Variants in ULK1 observed in about 807,000 individuals in gnomAD.
The protein encoded by ULK1 is unc-51 like autophagy activating kinase 1, also known as serine/threonine-protein kinase ULK1.
In ULK1, 48 loss-of-function variants were observed where a neutral mutation model predicts 117.5. The observed-to-expected ratio is 0.41, with a 90% CI of 0.32 to 0.52. The LOEUF (loss-of-function observed/expected upper bound fraction) is 0.52. ULK1 is among the 20% of genes least tolerant of loss of function. The probability of loss-of-function intolerance (pLI) is 0.29; values close to 1 mark genes in which losing one functional copy is unlikely to be tolerated. For synonymous variants in ULK1, 790 were observed against 637.8 expected (o/e 1.24, Z -3.60); for missense variants, 1,387 against 1,473.4 (o/e 0.94, Z 0.96).
At chr12:131,900,832 A>C (rs1443997525) in intron 3 of ULK1, among the ~76,000 whole-genome samples, 1 of 152,126 alleles carries the variant, frequency 6.6e-6, no homozygotes, top group Non-Finnish European at 1.5e-5. Flanking sequence ...CCAGCCCAGC[A>C]TGAGACTGTA....
At chr12:131,907,708 C>T (rs546825825) in intron 5 of ULK1, among the ~76,000 whole-genome samples, 177 bp downstream of exon 5, 19 of 152,232 alleles carry the variant, frequency 1.2e-4, no homozygotes, top group African/African-American at 4.1e-4. Flanking sequence ...CTGAGCTGCT[C>T]CCGGCTGTTA....
At chr12:131,918,895 G>GGTATGGGGTGTAGGGT (rs1890008257) in intron 23 of ULK1, among the ~76,000 whole-genome samples, 1 of 60,602 alleles carries the variant, frequency 1.7e-5, no homozygotes, top group Non-Finnish European at 4.9e-5. Flanking sequence ...TGGGGTGTAG[G>GGTATGGGGTGTAGGGT]GTGTGGGGTG....
chr12:131,907,669 C>T (rs866388696), intron 5 of ULK1, 138 bp downstream of exon 5: 1 of 1,120,848 alleles, frequency 8.9e-7, no homozygotes, highest in Admixed American at 2.7e-5. Context: ...TTTCTTGTCC[C>T]CCTGGGCCTC....
chr12:131,919,622 G>A (rs761958566), intron 25 of ULK1, 32 bp downstream of exon 25: 26 of 1,600,072 alleles, frequency 1.6e-5, no homozygotes, highest in African/African-American at 9.4e-5. Context: ...CCCACATGCC[G>A]GGTTGGGGAG....
rs1467352275 is a variant in ULK1, at chr12:131,919,274, G to A, written c.2574G>A (p.Leu858=). The A allele has an allele frequency of 1.9e-6, 3 of 1,599,062 alleles. No homozygotes were observed. Among genetic ancestry groups the A allele is most frequent in the Non-Finnish European group, 2.5e-6 (3 of 1,177,054 alleles). ...CGCTGCTGTTCGTGCAGCACGTCCT[G>A]GAGATCGCAGCCCTGAAGGGCAGCG... ...RFTLLFVQHV[L]EIAALKGSAS... The change falls in exon 24 of 28, where the codon CTG becomes CTA. Residue 858 remains leucine (L), a synonymous_variant. Transcript: ENST00000321867.
In ULK1 at chr12:131,919,493, G is replaced by A. The variant is rs144247950; in HGVS notation, c.2706G>A (p.Leu902=). 1.9e-6 allele frequency: 3 copies of A among 1,611,682 alleles called. No individual in the cohort carries two copies. Among genetic ancestry groups the A allele is most frequent in the Admixed American group, 1.7e-5 (1 of 59,978 alleles). Residue 902 remains leucine (L), a synonymous_variant, in exon 25 of 28, where the codon CTG becomes CTA. Transcript: ENST00000321867. ...CCAGCTTCGCGGAACAGCTGGTGCT[G>A]TACCTGAAGGTGGCCGAGCTACTGT... ...REWGFAEQLV[L]YLKVAELLSS...
chr12:131,920,377 G>A lies in ULK1; in HGVS notation c.2961+241G>A. On this transcript the variant is annotated intron_variant, in intron 26 of 27. Coordinates refer to ENST00000321867, the MANE Select transcript of ULK1 (RefSeq NM_003565.4). ...GTGCATCCTGCCTCGCCCCGACTCA[G>A]TTTCCCCAATTGTAAAATGAGAGAC... 1.2e-5 allele frequency: 6 copies of A among 508,306 alleles called. No homozygotes were observed. The South Asian group carries it at 1.5e-4, about 13-fold the overall frequency. The allele number at this position is 508,306 out of a possible 1,614,324, so 31.5% of individuals were successfully genotyped here.
intron 13 of ULK1, 29 bp downstream of exon 13, chr12:131,912,118 A>G: frequency 1.2e-6 from 2 of 1,602,896 alleles, no homozygotes; most frequent in South Asian, 2.2e-5. Flanking sequence ...CTTGGAGGTG[A>G]CGCCTCAGGT....
In ULK1 at chr12:131,901,124, C is replaced by T. The variant is rs536481471; in HGVS notation, c.246+5300C>T. On this transcript the variant is annotated intron_variant, in intron 3 of 27. Transcript: ENST00000321867. Reference sequence around the variant, plus strand: ...CTGTAATCCCAGCACTTTGGGAGGCCGAGGTGGGCAGATCACCTGAGGTCA... The same window carrying T: ...CTGTAATCCCAGCACTTTGGGAGGCTGAGGTGGGCAGATCACCTGAGGTCA... Among the ~76,000 whole-genome samples, 8 of 151,544 alleles carry T rather than the reference C, an allele frequency of 5.3e-5. No individual in the cohort carries two copies. The South Asian group carries it at 1.5e-3, about 28-fold the overall frequency.
Position 131,917,237 on chromosome 12 carries a change from GTCGGGTTCGGC to G in ULK1, c.2183-169_2183-159del, listed in dbSNP as rs1486641945. Among the ~76,000 whole-genome samples the G allele has an allele frequency of 2.2e-4, 22 of 99,920 alleles. 2 individuals carry two copies. The highest frequency in any genetic ancestry group is 2.6e-4 in the African/African-American group (7 of 26,636). The allele number at this position is 99,920 out of a possible 152,430, so 65.6% of individuals were successfully genotyped here. ...TGGGGCTCGAGGCTGTGGGACGGGGGTCGGGTTCGGCTCGGAGGCTGTGGGACGGGGGTCGG... is the reference window on the plus strand; with the variant it reads ...TGGGGCTCGAGGCTGTGGGACGGGGGTCGGAGGCTGTGGGACGGGGGTCGG... On this transcript the variant is annotated intron_variant, in intron 21 of 27. Transcript: ENST00000321867.
intron 3 of ULK1, among the ~76,000 whole-genome samples, chr12:131,904,977 C>A (rs892487908): frequency 1.3e-5 from 2 of 152,144 alleles, no homozygotes; most frequent in East Asian, 3.9e-4. Flanking sequence ...CTGCTGGGAG[C>A]CCTGGGCTCC....
chr12:131,910,626 T>C, intron 11 of ULK1, 86 bp from the exon 12 acceptor site: 1 of 1,611,578 alleles, frequency 6.2e-7, no homozygotes, highest in Non-Finnish European at 8.5e-7. Flanking sequence ...GGGGATATGG[T>C]TGAGCTTGTC....
In ULK1 at chr12:131,909,127, G is replaced by A. The variant is rs200288395; in HGVS notation, c.565-9G>A. ...GGGCCTCACACTGACCCGACTTCTG[G>A]TCCCGCAGGCCCCCGAGGTCATCAT... On this transcript the variant is annotated splice_polypyrimidine_tract_variant and intron_variant, in intron 7 of 27. Coordinates refer to ENST00000321867, the MANE Select transcript of ULK1 (RefSeq NM_003565.4). The A allele has an allele frequency of 1.9e-6, 3 of 1,604,422 alleles. No individual in the cohort carries two copies. The highest frequency in any genetic ancestry group is 2.6e-6 in the Non-Finnish European group (3 of 1,176,266).
rs1047320372 is a variant in ULK1, at chr12:131,918,824, A to G, written c.2511+143A>G. 29 of 22,546 alleles carry G rather than the reference A, an allele frequency of 1.3e-3. No individual in the cohort carries two copies. The highest frequency in any genetic ancestry group is 3.6e-3 in the Admixed American group (2 of 550). The allele number at this position is 22,546 out of a possible 1,614,324, so 1.4% of individuals were successfully genotyped here. A position where few individuals can be genotyped will look rare whatever the true frequency, so the allele number is the denominator to read the frequency against. ...GTGGGGTGTAGTGTGTGGGGTGTAG[A>G]GTGTGTGGGGTGTGGGGTGTCGGGT... On this transcript the variant is annotated intron_variant, in intron 23 of 27. Coordinates refer to ENST00000321867, the MANE Select transcript of ULK1 (RefSeq NM_003565.4).
At chr12:131,895,158 C>A in intron 1 of ULK1, 46 bp downstream of exon 1, 1 of 1,294,956 alleles carries the variant, frequency 7.7e-7, no homozygotes, top group Non-Finnish European at 1.0e-6. Context: ...GGATCCCCTG[C>A]CCCTGCATCC....
At position 131,915,237 on chromosome 12, in the gene ULK1, C is replaced by T; in HGVS notation, c.1522+6C>T. ...CTACACGCCATCTCCTCAAGGTGCG[C>T]CTGCAGGCTGGGGCCTGGGAAGGGG... On this transcript the variant is annotated splice_donor_region_variant and intron_variant, in intron 17 of 27. Transcript: ENST00000321867. 6.2e-7 allele frequency: 1 copy of T among 1,603,412 alleles called. No homozygotes were observed. Among genetic ancestry groups the T allele is most frequent in the Non-Finnish European group, 8.5e-7 (1 of 1,175,156 alleles).
chr12:131,909,862 T>TCCCCC, intron 9 of ULK1, 29 bp downstream of exon 9: 1 of 1,609,822 alleles, frequency 6.2e-7, no homozygotes, highest in Non-Finnish European at 8.5e-7. Flanking sequence ...TCCCTTCCCT[T>TCCCCC]CCCCCGCGGG....
rs749674797 is a variant in ULK1, at chr12:131,902,250, C to CT, written c.247-4639dup. On this transcript the variant is annotated intron_variant, in intron 3 of 27. Coordinates refer to ENST00000321867, the MANE Select transcript of ULK1 (RefSeq NM_003565.4). This position sits in a 1 kb window ranked among gnomAD's most constrained non-coding sequence, Gnocchi z 6.3. ...CCAGCCACAGCTGTGGCTTTTGCCA[C>CT]TTTCCGGAGCCAGCTCTGGAGGTGT... 1.3e-5 allele frequency among the ~76,000 whole-genome samples: 2 copies of CT among 152,182 alleles called. No individual in the cohort carries two copies. Among genetic ancestry groups the CT allele is most frequent in the Non-Finnish European group, 2.9e-5 (2 of 68,016 alleles).
At position 131,895,931 on chromosome 12, in the gene ULK1, C is replaced by G. The variant is rs567861329; in HGVS notation, c.246+107C>G. The stretch of plus-strand genomic sequence containing the variant: ...GTGTTGAGCCTGTCCAGGCTGGGGT[C>G]TACTGGGCCCCTGGAGACTCCACCC... On this transcript the variant is annotated intron_variant, in intron 3 of 27. Transcript: ENST00000321867. 3.5e-6 allele frequency: 5 copies of G among 1,441,628 alleles called. No homozygotes were observed. In the South Asian group the frequency reaches 4.6e-5, roughly 13 times the overall value. 89.3% of individuals were successfully genotyped at this position (1,441,628 alleles called of 1,614,324 possible). A position where few individuals can be genotyped will look rare whatever the true frequency, so the allele number is the denominator to read the frequency against.
Sources: allele counts gnomAD v4.1 joint callset (sites outside exome capture counted in the v4.1 genomes callset), GRCh38; gene constraint gnomAD v4.1.1; non-coding constraint Gnocchi (gnomAD v3.1); transcripts MANE v1.5; gene names NCBI Gene and HGNC (gene_info 2026-07-23, HGNC 2026-07-21).